TBC1D1: variants seen among roughly 807,000 people sequenced by gnomAD.
The protein encoded by TBC1D1 is TBC1 (tre-2/USP6, BUB2, cdc16) domain family, member 1.
TBC1D1 carries 89 observed loss-of-function variants against 125.6 expected under a neutral mutation model. That is an observed-to-expected ratio of 0.71 (90% CI 0.60 to 0.85). The LOEUF (loss-of-function observed/expected upper bound fraction) is 0.85, where lower values mean the gene tolerates loss of function less well. Among genes scored for constraint, TBC1D1 ranks in the 40% least tolerant of loss-of-function variants. TBC1D1 has a pLI of 0.00. For missense variants in TBC1D1, 1,377 were observed against 1,469.2 expected, an observed-to-expected ratio of 0.94 and a Z score of 1.03; for synonymous variants, 565 against 564.1, an observed-to-expected ratio of 1.00 and a Z score of -0.02.
At chr4:37,998,475 G>C (rs1033335342) in intron 2 of TBC1D1, among the ~76,000 whole-genome samples, 44 of 152,136 alleles carry the variant, frequency 2.9e-4, no homozygotes, top group African/African-American at 9.9e-4. Flanking sequence ...GCTGGGTCGG[G>C]CTGTCCTGGG....
rs773814921 is a variant in TBC1D1 at position 38,014,698 on chromosome 4, G to A, written c.607G>A (p.Val203Ile). 4.3e-6 allele frequency: 7 copies of A among 1,612,862 alleles called. No individual in the cohort carries two copies. In the South Asian group the frequency reaches 7.7e-5, roughly 18 times the overall value. ...CGAGTGCATCGAGAAGTTCAATCAC[G>A]TCAGCGGCAGCCGGGGGTCCGAGAG... The change falls in exon 3 of 20, where the codon GTC becomes ATC. Residue 203 changes from valine to isoleucine, a missense_variant. Val to Ile is a conservative substitution (Grantham distance 29). Coordinates refer to ENST00000261439, the MANE Select transcript of TBC1D1 (RefSeq NM_015173.4). This position sits in a 1 kb window ranked among gnomAD's most constrained non-coding sequence, Gnocchi z 5.1.
chr4:38,125,170 C>G (rs1764440924), intron 18 of TBC1D1, 39 bp downstream of exon 20: 1 of 1,588,556 alleles, frequency 6.3e-7, no homozygotes, highest in African/African-American at 1.3e-5. Context: ...CTTAAGCCAT[C>G]CTAGATATGT....
chr4:37,983,147 G>A (rs1037543470), intron 2 of TBC1D1, among the ~76,000 whole-genome samples: 4 of 140,558 alleles, frequency 2.8e-5, no homozygotes, highest in South Asian at 2.2e-4. Flanking sequence ...TTTTTCAGAC[G>A]GAGTCTCGCT....
chr4:38,056,624 C>T (rs984158147), intron 12 of TBC1D1, among the ~76,000 whole-genome samples: 1 of 152,142 alleles, frequency 6.6e-6, no homozygotes, highest in Admixed American at 6.5e-5. Flanking sequence ...CCCTTGGCAA[C>T]ATAGTGAGAC....
intron 2 of TBC1D1, among the ~76,000 whole-genome samples, chr4:37,919,075 GC>G (rs1192645622): frequency 9.4e-6 from 1 of 106,690 alleles, no homozygotes; most frequent in African/African-American, 3.7e-5. Context: ...GAAGACTTAC[GC>G]CCCCATCTTT....
chr4:37,891,115 A>G lies in TBC1D1; in HGVS notation c.-327A>G. Reference sequence around the variant, plus strand: ...TTCGGCTGCTGCTCCTGGTGCCGCCACCGTCCGCCGGTGCCTGTTGCTGCC... The same window carrying G: ...TTCGGCTGCTGCTCCTGGTGCCGCCGCCGTCCGCCGGTGCCTGTTGCTGCC... On this transcript the variant is annotated 5_prime_UTR_variant, in exon 1 of 20. Coordinates refer to ENST00000261439, the MANE Select transcript of TBC1D1 (RefSeq NM_015173.4). The G allele has an allele frequency of 7.2e-6, 1 of 138,014 alleles. No individual in the cohort carries two copies. Among genetic ancestry groups the G allele is most frequent in the Non-Finnish European group, 1.6e-5 (1 of 64,490 alleles). 8.5% of individuals were successfully genotyped at this position (138,014 alleles called of 1,614,324 possible). A position where few individuals can be genotyped will look rare whatever the true frequency, so the allele number is the denominator to read the frequency against.
rs1461886718 is a variant in TBC1D1, at chr4:38,014,116, C to T, written c.418-393C>T. Among the ~76,000 whole-genome samples the T allele has an allele frequency of 1.3e-5, 2 of 152,140 alleles. No homozygotes were observed. The highest frequency in any genetic ancestry group is 1.9e-4 in the East Asian group (1 of 5,196). ...GTTGGAGACAGACTTCTCTGGGAGG[C>T]GACAGCTTCTCCAGAGGAGGCCTTT... On this transcript the variant is annotated intron_variant, in intron 2 of 19. Coordinates refer to ENST00000261439, the MANE Select transcript of TBC1D1 (RefSeq NM_015173.4). This position sits in a 1 kb window ranked among gnomAD's most constrained non-coding sequence, Gnocchi z 5.1.
At chr4:37,911,247 C>G (rs1448276610) in intron 2 of TBC1D1, among the ~76,000 whole-genome samples, 1 of 150,778 alleles carries the variant, frequency 6.6e-6, no homozygotes, top group Non-Finnish European at 1.5e-5. Context: ...GGATCAGAGC[C>G]ATGTGGGCCA....
rs748397741 is a variant in TBC1D1 at position 38,049,879 on chromosome 4, G to A, written c.1891G>A (p.Glu631Lys). Reference sequence around the variant, plus strand: ...TATGAGGTATCACTCAGTGAGCACAGAGACGCCTCATGAACGAAAGTAAGA... The same window carrying A: ...TATGAGGTATCACTCAGTGAGCACAAAGACGCCTCATGAACGAAAGTAAGA... The change falls in exon 11 of 20, where the codon GAG becomes AAG. Residue 631 changes from glutamate to lysine, a missense_variant. Physicochemically the swap from Glu to Lys is moderately conservative, Grantham distance 56. This residue lies in a region of TBC1D1 where 822 missense variants were observed against 824.6 expected (regional missense o/e 1.00). Coordinates refer to ENST00000261439, the MANE Select transcript of TBC1D1 (RefSeq NM_015173.4). The A allele has an allele frequency of 6.8e-6, 11 of 1,609,834 alleles. No individual in the cohort carries two copies. Among genetic ancestry groups the A allele is most frequent in the Non-Finnish European group, 9.3e-6 (11 of 1,178,070 alleles).
chr4:38,009,368 A>G (rs1358054873), intron 2 of TBC1D1, among the ~76,000 whole-genome samples: 2 of 152,250 alleles, frequency 1.3e-5, no homozygotes, highest in Non-Finnish European at 2.9e-5. Flanking sequence ...CTAGAATTTT[A>G]AATACACAGT....
chr4:37,904,865 T>C (rs992446531), intron 2 of TBC1D1, among the ~76,000 whole-genome samples: 1 of 152,258 alleles, frequency 6.6e-6, no homozygotes, highest in Non-Finnish European at 1.5e-5. Flanking sequence ...AGATTTTCTG[T>C]TCTTGGGACA....
At chr4:38,096,114 A>G in intron 14 of TBC1D1, 24 bp downstream of exon 16, 1 of 1,601,806 alleles carries the variant, frequency 6.2e-7, no homozygotes, top group Non-Finnish European at 8.5e-7. Flanking sequence ...GGAAGCATCT[A>G]GTCAACCTCA....
intron 2 of TBC1D1, among the ~76,000 whole-genome samples, chr4:37,919,913 C>G (rs898894968): frequency 3.3e-5 from 5 of 152,084 alleles, no homozygotes; most frequent in African/African-American, 1.2e-4. Flanking sequence ...GAGATCGAGA[C>G]CATCCTGGCT....
chr4:37,900,216 C>A (rs150435030), intron 1 of TBC1D1, among the ~76,000 whole-genome samples: 1 of 152,156 alleles, frequency 6.6e-6, no homozygotes, highest in East Asian at 1.9e-4. Flanking sequence ...AAATAGCCTC[C>A]TTTAAATTTT....
chr4:38,060,636 G>A (rs1187801552), intron 12 of TBC1D1: 13 of 1,289,134 alleles, frequency 1.0e-5, no homozygotes, highest in South Asian at 4.9e-5. Context: ...ACTGTGGATC[G>A]CCATCGTTGG....
chr4:38,098,056 G>A (rs1759676937), intron 14 of TBC1D1, among the ~76,000 whole-genome samples: 1 of 152,232 alleles, frequency 6.6e-6, no homozygotes. Flanking sequence ...GAACACGTAT[G>A]CAGTGGTGAA....
intron 2 of TBC1D1, among the ~76,000 whole-genome samples, chr4:37,945,349 C>A (rs1408733831): frequency 2.0e-5 from 3 of 151,332 alleles, no homozygotes; most frequent in Non-Finnish European, 4.4e-5. Context: ...TCCATCTCTA[C>A]TGAAATCACA....
chr4:38,133,757 C>T (rs753725087), intron 19 of TBC1D1, among the ~76,000 whole-genome samples: 8 of 152,112 alleles, frequency 5.3e-5, no homozygotes, highest in South Asian at 4.1e-4. Flanking sequence ...CTCAGTTCTC[C>T]CCTCTAGAAA....
At position 37,926,143 on chromosome 4, in the gene TBC1D1, A is replaced by C. The variant is rs1722064629; in HGVS notation, c.417+23631A>C. ...ATGTGTACTTTGGAAGAAAGCTACCACATGGAGAAAGTATACAGGAAGACC... is the reference window on the plus strand; with the variant it reads ...ATGTGTACTTTGGAAGAAAGCTACCCCATGGAGAAAGTATACAGGAAGACC... On this transcript the variant is annotated intron_variant, in intron 2 of 19. Coordinates refer to ENST00000261439, the MANE Select transcript of TBC1D1 (RefSeq NM_015173.4). 1.3e-5 allele frequency among the ~76,000 whole-genome samples: 2 copies of C among 152,252 alleles called. 1 individual carries two copies. Among genetic ancestry groups the C allele is most frequent in the East Asian group, 3.8e-4 (2 of 5,208 alleles).
Sources: gnomAD v4.1 joint callset for allele counts (sites outside exome capture counted in the v4.1 genomes callset) on GRCh38, gnomAD v4.1.1 for gene constraint, gnomAD v4.1.1 regional missense constraint, Gnocchi (gnomAD v3.1) non-coding constraint, MANE v1.5 for transcripts, NCBI Gene and HGNC (gene_info 2026-07-23, HGNC 2026-07-21) for gene names.